Variants in XRCC4 observed in about 807,000 individuals in gnomAD.
The protein encoded by XRCC4 is DNA repair protein XRCC4.
XRCC4 carries 28 observed loss-of-function variants against 39.1 expected under a neutral mutation model. The observed-to-expected ratio is 0.72, with a 90% confidence interval of 0.53 to 0.98. The LOEUF is 0.98. Among genes scored for constraint, XRCC4 ranks in the 50% least tolerant of loss-of-function variants. XRCC4 has a pLI of 0.00. For missense variants in XRCC4, 350 were observed against 376.4 expected (o/e 0.93, Z 0.58); for synonymous variants, 123 against 126.4 (o/e 0.97, Z 0.18).
At chr5:83,181,745 C>A (rs1750217194) in intron 3 of XRCC4, among the ~76,000 whole-genome samples, 1 of 152,014 alleles carries the variant, frequency 6.6e-6, no homozygotes, top group South Asian at 2.1e-4. Context: ...GCAGTGGGAA[C>A]AAAAGTGAAA....
chr5:83,361,936 T>C, the XRCC4 span, among the ~76,000 whole-genome samples: 1 of 152,102 alleles, frequency 6.6e-6, no homozygotes, highest in Non-Finnish European at 1.5e-5. Flanking sequence ...ATCTATTCCT[T>C]CCCTCTGTCC....
chr5:83,225,139 G>A (rs1303968682), intron 6 of XRCC4, among the ~76,000 whole-genome samples: 1 of 152,048 alleles, frequency 6.6e-6, no homozygotes, highest in Non-Finnish European at 1.5e-5. Context: ...AGATTTTAAG[G>A]TTCCTCTCAA....
intron 3 of XRCC4, among the ~76,000 whole-genome samples, chr5:83,123,887 G>GAT (rs1204181708): frequency 1.8e-5 from 2 of 111,672 alleles, no homozygotes; most frequent in African/African-American, 8.3e-5. Flanking sequence ...TTGTTACATT[G>GAT]ATTTTTTTTA....
At chr5:83,168,860 T>C (rs1459458038) in intron 3 of XRCC4, among the ~76,000 whole-genome samples, 2 of 152,184 alleles carry the variant, frequency 1.3e-5, no homozygotes, top group African/African-American at 2.4e-5. Context: ...TAAATGCATA[T>C]TTTAGCAAAG....
chr5:83,195,656 T>C (rs929526593), intron 3 of XRCC4, 114 bp from the exon 4 acceptor site: 2 of 1,018,584 alleles, frequency 2.0e-6, no homozygotes, highest in African/African-American at 3.2e-5. Flanking sequence ...AAATGCATTG[T>C]ATTTAAATCC....
chr5:83,212,950 T>TAA (rs200863996), intron 6 of XRCC4, among the ~76,000 whole-genome samples: 12 of 101,496 alleles, frequency 1.2e-4, no homozygotes, highest in Admixed American at 7.5e-4. Context: ...AACACCAAAA[T>TAA]AAAAAAAAAA....
chr5:83,351,783 C>T (rs1049083437), intron 7 of XRCC4, among the ~76,000 whole-genome samples: 3 of 152,112 alleles, frequency 2.0e-5, no homozygotes, highest in African/African-American at 7.2e-5. Context: ...TGGCAGCCAA[C>T]TGTAGTTAAT....
At chr5:83,085,528 A>G (rs1745142656) in intron 1 of XRCC4, among the ~76,000 whole-genome samples, 1 of 152,204 alleles carries the variant, frequency 6.6e-6, no homozygotes, top group Admixed American at 6.5e-5. Context: ...GTATACTAAT[A>G]GAGTTCCATG....
At chr5:83,234,587 A>G (rs1280437980) in intron 6 of XRCC4, among the ~76,000 whole-genome samples, 2 of 152,108 alleles carry the variant, frequency 1.3e-5, no homozygotes, top group Non-Finnish European at 1.5e-5. Context: ...GAGAGGTCCT[A>G]TAGTATTCGA....
At chr5:83,243,562 T>C (rs968998580) in intron 6 of XRCC4, among the ~76,000 whole-genome samples, 1 of 152,238 alleles carries the variant, frequency 6.6e-6, no homozygotes, top group Non-Finnish European at 1.5e-5. Flanking sequence ...GACAGTCATA[T>C]TCTTAGGTGT....
chr5:83,354,873 C>T (rs1051009875), downstream of XRCC4, among the ~76,000 whole-genome samples: 21 of 152,176 alleles, frequency 1.4e-4, no homozygotes, highest in Admixed American at 3.3e-4. Context: ...ACACTCCTTC[C>T]TCACTGGTCT....
At chr5:83,214,164 C>A (rs1411044944) in intron 6 of XRCC4, among the ~76,000 whole-genome samples, 2 of 152,138 alleles carry the variant, frequency 1.3e-5, no homozygotes, top group African/African-American at 4.8e-5. Flanking sequence ...GTTGTCTGCT[C>A]CCATCACTTC....
chr5:83,086,897 G>T (rs901312823), intron 1 of XRCC4, among the ~76,000 whole-genome samples: 1 of 151,960 alleles, frequency 6.6e-6, no homozygotes, highest in Non-Finnish European at 1.5e-5. Context: ...CTGAATGTTC[G>T]TACCTAAATG....
chr5:83,355,393 C>T (rs1757178670), downstream of XRCC4, among the ~76,000 whole-genome samples: 1 of 152,172 alleles, frequency 6.6e-6, no homozygotes, highest in South Asian at 2.1e-4. Flanking sequence ...ATCTGCTTTA[C>T]CTCTCTATCC....
At chr5:83,305,668 A>G (rs1292315209) in intron 7 of XRCC4, among the ~76,000 whole-genome samples, 1 of 152,186 alleles carries the variant, frequency 6.6e-6, no homozygotes, top group Non-Finnish European at 1.5e-5. Context: ...AATCTCTTAA[A>G]GGATGGCTGA....
intron 7 of XRCC4, among the ~76,000 whole-genome samples, chr5:83,287,856 AG>A (rs1580468404): frequency 6.6e-6 from 1 of 151,578 alleles, no homozygotes; most frequent in East Asian, 1.9e-4. Flanking sequence ...TTCTTTCTCT[AG>A]TTTACTAAGT....
chr5:83,110,928 C>T (rs1223911628), intron 2 of XRCC4, 100 bp from the exon 3 acceptor site: 1 of 1,136,572 alleles, frequency 8.8e-7, no homozygotes. Flanking sequence ...GTTTGAATTT[C>T]TGTTACATGT....
chr5:83,198,067 T>C (rs1751026695), intron 4 of XRCC4, among the ~76,000 whole-genome samples: 1 of 152,122 alleles, frequency 6.6e-6, no homozygotes, highest in African/African-American at 2.4e-5. Flanking sequence ...AAGGCAGTAG[T>C]TCTGATTAAG....
At chr5:83,189,630 A>G (rs1170599019) in intron 3 of XRCC4, among the ~76,000 whole-genome samples, 1 of 152,176 alleles carries the variant, frequency 6.6e-6, no homozygotes, top group Non-Finnish European at 1.5e-5. Context: ...TAGTTTTCTT[A>G]TCTTTTTAGA....
Sources: allele counts gnomAD v4.1 joint callset (sites outside exome capture counted in the v4.1 genomes callset), GRCh38; gene constraint gnomAD v4.1.1; transcripts MANE v1.5; gene names NCBI Gene and HGNC (gene_info 2026-07-23, HGNC 2026-07-21).